FRYL: variants seen among roughly 807,000 people sequenced by gnomAD.
FRYL encodes FRY like transcription coactivator, also known as protein furry homolog-like.
FRYL carries 150 observed loss-of-function variants against 351.2 expected under a neutral mutation model. That is an observed-to-expected ratio of 0.43 (90% CI 0.37 to 0.49). FRYL has a LOEUF of 0.49. Among genes scored for constraint, FRYL ranks in the 20% least tolerant of loss-of-function variants. The pLI is 0.00. For missense variants in FRYL, 3,036 were observed against 3,619.3 expected (o/e 0.84, Z 4.13); for synonymous variants, 1,153 against 1,257.1 (o/e 0.92, Z 1.75).
Position 48,535,807 on chromosome 4 carries a change from G to C in FRYL, c.6414C>G (p.Cys2138Trp). 1 of 1,543,212 alleles carries C rather than the reference G, an allele frequency of 6.5e-7. No homozygotes were observed. Among genetic ancestry groups the C allele is most frequent in the Non-Finnish European group, 8.8e-7 (1 of 1,141,448 alleles). The change falls in exon 48 of 64, where the codon TGC becomes TGG. Residue 2138 changes from cysteine (C) to tryptophan (W), a missense_variant. This residue lies in a region of FRYL where 1,987 missense variants were observed against 2,311.7 expected (regional missense o/e 0.86). Transcript: ENST00000358350. ...RIAKVCAEEK[C>W]PTLVNLAHMM... ...TGTGTGCCAGATTGACAAGTGTTGG[G>C]CATTTTTCTTCTGCACAAACCTAGA...
At chr4:48,584,626 C>A (rs1741698161) in intron 19 of FRYL, among the ~76,000 whole-genome samples, 1 of 152,198 alleles carries the variant, frequency 6.6e-6, no homozygotes, top group African/African-American at 2.4e-5. Flanking sequence ...TTCCTTAAAT[C>A]CATGAATATG....
chr4:48,556,940 T>C, intron 35 of FRYL, 38 bp downstream of exon 35: 1 of 1,493,926 alleles, frequency 6.7e-7, no homozygotes, highest in Middle Eastern at 1.7e-4. Flanking sequence ...AGTAAATATA[T>C]ACATATATTT....
intron 18 of FRYL, among the ~76,000 whole-genome samples, chr4:48,588,652 A>G (rs923204309): frequency 2.8e-4 from 43 of 152,086 alleles, no homozygotes; most frequent in African/African-American, 1.0e-3. Flanking sequence ...AACACCCTCA[A>G]CCCAAAAAAG....
chr4:48,550,119 T>C (rs1303602209), intron 38 of FRYL, among the ~76,000 whole-genome samples: 1 of 152,232 alleles, frequency 6.6e-6, no homozygotes, highest in Non-Finnish European at 1.5e-5. Flanking sequence ...CTCAGTTCCA[T>C]CATGTGCAAA....
Position 48,634,453 on chromosome 4 carries a change from A to G in FRYL, c.-43T>C. On this transcript the variant is annotated 5_prime_UTR_variant, in exon 4 of 64. Coordinates refer to ENST00000358350, the MANE Select transcript of FRYL (RefSeq NM_015030.2). ...CCCAAGTGGAATGAAAGTTGGAAGA[A>G]GCACAGTATTTATTTACTTTGCTGA... 1 of 1,612,198 alleles carries G rather than the reference A, an allele frequency of 6.2e-7. No individual in the cohort carries two copies. The highest frequency in any genetic ancestry group is 8.5e-7 in the Non-Finnish European group (1 of 1,178,790).
chr4:48,587,014 A>G (rs1407391909), intron 18 of FRYL, among the ~76,000 whole-genome samples: 1 of 151,730 alleles, frequency 6.6e-6, no homozygotes, highest in African/African-American at 2.4e-5. Context: ...ATTATTTATA[A>G]TTAATCTTAT....
intron 1 of FRYL, among the ~76,000 whole-genome samples, chr4:48,725,669 T>C (rs1376021633): frequency 2.6e-5 from 4 of 152,152 alleles, no homozygotes; most frequent in Non-Finnish European, 4.4e-5. Flanking sequence ...GCTAGTCACT[T>C]AGGAGCAGTC....
intron 8 of FRYL, among the ~76,000 whole-genome samples, 195 bp from the exon 9 acceptor site, chr4:48,609,262 T>A (rs1199475264): frequency 6.6e-6 from 1 of 152,200 alleles, no homozygotes; most frequent in African/African-American, 2.4e-5. Context: ...TTCTTACATA[T>A]CCAATCTGTA....
intron 33 of FRYL, among the ~76,000 whole-genome samples, chr4:48,558,391 C>A (rs1293761442): frequency 6.6e-6 from 1 of 152,074 alleles, no homozygotes; most frequent in Non-Finnish European, 1.5e-5. Flanking sequence ...GTAGTCAAAT[C>A]CATAGAAACA....
chr4:48,706,861 G>A (rs1217417017), intron 2 of FRYL, among the ~76,000 whole-genome samples: 2 of 152,190 alleles, frequency 1.3e-5, no homozygotes, highest in African/African-American at 4.8e-5. Flanking sequence ...CCTGAGACCT[G>A]TTAATAATCA....
chr4:48,669,668 G>A (rs1300496258), intron 3 of FRYL, among the ~76,000 whole-genome samples: 1 of 137,548 alleles, frequency 7.3e-6, no homozygotes, highest in Non-Finnish European at 1.6e-5. Context: ...CATTAATTAT[G>A]TATATCCTCT....
intron 3 of FRYL, among the ~76,000 whole-genome samples, chr4:48,657,353 C>CTTTTTTTTTT (rs371640944): frequency 1.9e-4 from 23 of 122,344 alleles, no homozygotes; most frequent in South Asian, 5.2e-4. Context: ...CTTTTCTTTT[C>CTTTTTTTTTT]TTTTTTTTTT....
chr4:48,689,895 C>CTTTTTTT (rs869300628), intron 2 of FRYL, among the ~76,000 whole-genome samples: 3 of 135,682 alleles, frequency 2.2e-5, no homozygotes, highest in African/African-American at 2.7e-5. Context: ...TTCTTTTTTT[C>CTTTTTTT]TTTTTTTTTT....
At chr4:48,655,585 A>G (rs1205274050) in intron 3 of FRYL, among the ~76,000 whole-genome samples, 1 of 150,454 alleles carries the variant, frequency 6.6e-6, no homozygotes, top group Non-Finnish European at 1.5e-5. Flanking sequence ...TCCTCTTTTC[A>G]TCAAACAGTT....
chr4:48,539,465 A>G (rs1268110145), intron 47 of FRYL, among the ~76,000 whole-genome samples: 1 of 152,124 alleles, frequency 6.6e-6, no homozygotes. Context: ...GTCAGCTTAG[A>G]TATCACTTCC....
At chr4:48,707,093 T>G (rs1165143434) in intron 2 of FRYL, among the ~76,000 whole-genome samples, 8 of 152,200 alleles carry the variant, frequency 5.3e-5, no homozygotes, top group Non-Finnish European at 8.8e-5. Context: ...GGTAGTTTGT[T>G]ACACAGTAAT....
At chr4:48,734,244 G>T (rs373806398) in intron 1 of FRYL, among the ~76,000 whole-genome samples, 2 of 152,166 alleles carry the variant, frequency 1.3e-5, no homozygotes, top group Admixed American at 6.5e-5. Context: ...CTAATCAAAA[G>T]AAAGTGGGAG....
In FRYL at chr4:48,571,701, C is replaced by T. The variant is rs557501740; in HGVS notation, c.2905-783G>A. 2.2e-5 allele frequency: 22 copies of T among 983,644 alleles called. No individual in the cohort carries two copies. In the African/African-American group the frequency reaches 3.8e-4, roughly 17 times the overall value. 60.9% of individuals were successfully genotyped at this position (983,644 alleles called of 1,614,324 possible). On this transcript the variant is annotated intron_variant, in intron 26 of 63. Coordinates refer to ENST00000358350, the MANE Select transcript of FRYL (RefSeq NM_015030.2). ...TCAATTACATTTACTTTTCTCTTGG[C>T]TCTTTCTAAAGTTGACAGCAATTCA...
At chr4:48,668,386 T>TAAAAAAAAAAAAAAAA (rs1226517947) in intron 3 of FRYL, among the ~76,000 whole-genome samples, 1 of 122,842 alleles carries the variant, frequency 8.1e-6, no homozygotes. Context: ...CTCAAAAAAT[T>TAAAAAAAAAAAAAAAA]AAAAAAAAAA....
Sources: gnomAD v4.1 joint callset for allele counts (sites outside exome capture counted in the v4.1 genomes callset) on GRCh38, gnomAD v4.1.1 for gene constraint, gnomAD v4.1.1 regional missense constraint, MANE v1.5 for transcripts, NCBI Gene and HGNC (gene_info 2026-07-23, HGNC 2026-07-21) for gene names.